The following MCTP2 variants were observed in gnomAD, a reference collection of about 807,000 sequenced individuals.
MCTP2 encodes the protein multiple C2 and transmembrane domain containing 2, also known as multiple C2 and transmembrane domain-containing protein 2.
In MCTP2, 132 loss-of-function variants were observed where a neutral mutation model predicts 111.6. The observed-to-expected ratio is 1.18, with a 90% CI of 1.03 to 1.37. MCTP2 has a LOEUF of 1.37. Among genes scored for constraint, MCTP2 ranks in the 40% most tolerant of loss-of-function variants. The probability of loss-of-function intolerance (pLI) is 0.00; values close to 1 mark genes in which losing one functional copy is unlikely to be tolerated. For synonymous variants in MCTP2, 395 were observed against 387.7 expected (o/e 1.02, Z -0.22); for missense variants, 1,183 against 1,067.9 (o/e 1.11, Z -1.50).
chr15:94,310,012 A>G (rs2076054416), intron 2 of MCTP2, among the ~76,000 whole-genome samples: 1 of 152,222 alleles, frequency 6.6e-6, no homozygotes, highest in Non-Finnish European at 1.5e-5. Flanking sequence ...AGCTTTGACA[A>G]TATTTAAAAT....
chr15:94,345,039 A>G, intron 7 of MCTP2, 90 bp from the exon 8 acceptor site: 1 of 1,424,678 alleles, frequency 7.0e-7, no homozygotes, highest in Non-Finnish European at 9.8e-7. Flanking sequence ...AACCTGGACC[A>G]TCTAACATAA....
At chr15:94,448,337 T>A (rs2084246937) in intron 19 of MCTP2, among the ~76,000 whole-genome samples, 1 of 152,200 alleles carries the variant, frequency 6.6e-6, no homozygotes, top group Admixed American at 6.5e-5. Flanking sequence ...TAGTATATTA[T>A]TCTCAAATAT....
chr15:94,243,153 G>T (rs558871312), intron 1 of MCTP2, among the ~76,000 whole-genome samples: 1 of 146,116 alleles, frequency 6.8e-6, no homozygotes, highest in African/African-American at 2.5e-5. Context: ...ATTTATATAC[G>T]TGTGTGTATA....
chr15:94,245,398 GTGTGTATATATTTATATACA>G (rs2071819221), intron 1 of MCTP2, among the ~76,000 whole-genome samples: 1 of 50,934 alleles, frequency 2.0e-5, no homozygotes, highest in Non-Finnish European at 4.8e-5. Context: ...TTATATACAT[GTGTGTATATATTTATATACA>G]TGTGTGTATA....
At chr15:94,296,103 T>A (rs902785526) in intron 1 of MCTP2, among the ~76,000 whole-genome samples, 21 of 152,198 alleles carry the variant, frequency 1.4e-4, no homozygotes, top group African/African-American at 4.8e-4. Flanking sequence ...TTAGCTGGTT[T>A]GACACTTCCC....
rs565222869 is a variant in MCTP2 at position 94,311,004 on chromosome 15, T to C, written c.466-3278T>C. On this transcript the variant is annotated intron_variant, in intron 2 of 22. Transcript: ENST00000357742. ...AATCCACAGTGCTTGGTTACATTTATTGGGAACTTTCCTTTTTTTTTTTTT... is the reference window on the plus strand; with the variant it reads ...AATCCACAGTGCTTGGTTACATTTACTGGGAACTTTCCTTTTTTTTTTTTT... Among the ~76,000 whole-genome samples the C allele has an allele frequency of 1.0e-3, 151 of 148,790 alleles. 1 individual carries two copies. The highest frequency in any genetic ancestry group is 3.7e-3 in the African/African-American group (148 of 39,910).
At chr15:94,440,519 G>A (rs541367072) in intron 18 of MCTP2, among the ~76,000 whole-genome samples, 2 of 152,284 alleles carry the variant, frequency 1.3e-5, no homozygotes, top group South Asian at 4.2e-4. Context: ...CATGAAGGGA[G>A]CCTCTGGTTC....
chr15:94,240,458 G>A (rs182051932), intron 1 of MCTP2, among the ~76,000 whole-genome samples: 1 of 152,220 alleles, frequency 6.6e-6, no homozygotes, highest in Admixed American at 6.5e-5. Flanking sequence ...AGACTTGAGG[G>A]GTTTCAAGAC....
chr15:94,421,970 T>G (rs2082648664), intron 17 of MCTP2, among the ~76,000 whole-genome samples: 1 of 152,164 alleles, frequency 6.6e-6, no homozygotes, highest in Non-Finnish European at 1.5e-5. Flanking sequence ...TCTGGTTTCT[T>G]GCATACAAAG....
At chr15:94,390,018 T>G (rs554683140) in intron 14 of MCTP2, among the ~76,000 whole-genome samples, 1 of 119,890 alleles carries the variant, frequency 8.3e-6, no homozygotes, top group Non-Finnish European at 1.9e-5. Flanking sequence ...TCCATATAAA[T>G]ATATTCATTA....
intron 2 of MCTP2, among the ~76,000 whole-genome samples, chr15:94,311,492 C>G (rs1440362910): frequency 6.6e-6 from 1 of 152,162 alleles, no homozygotes. Flanking sequence ...AATAATACCA[C>G]AGGCACTATG....
intron 1 of MCTP2, among the ~76,000 whole-genome samples, chr15:94,284,175 A>T (rs963760222): frequency 4.6e-5 from 7 of 152,162 alleles, no homozygotes; most frequent in African/African-American, 1.7e-4. Context: ...CCTTATTGGT[A>T]ATTTGGACAG....
At chr15:94,451,922 T>C (rs914656123) in intron 19 of MCTP2, among the ~76,000 whole-genome samples, 5 of 152,230 alleles carry the variant, frequency 3.3e-5, no homozygotes, top group African/African-American at 1.2e-4. Flanking sequence ...CTGGTGTTTA[T>C]GAAGCACCTG....
chr15:94,455,075 G>A (rs966256906), intron 19 of MCTP2, among the ~76,000 whole-genome samples: 1 of 152,208 alleles, frequency 6.6e-6, no homozygotes, highest in African/African-American at 2.4e-5. Flanking sequence ...GCCCGCCATG[G>A]CCTCCCAGAG....
At chr15:94,416,888 C>G (rs28459950) in intron 17 of MCTP2, among the ~76,000 whole-genome samples, 2,832 of 152,278 alleles carry the variant, frequency 0.019, 76 homozygotes, top group African/African-American at 0.065. Context: ...CCTTCTCCCT[C>G]CCATTTCTAC....
intron 21 of MCTP2, among the ~76,000 whole-genome samples, chr15:94,475,401 G>T (rs1013461361): frequency 9.2e-5 from 14 of 152,316 alleles, no homozygotes; most frequent in African/African-American, 3.1e-4. Flanking sequence ...ATAACTGGAG[G>T]TTGGCATTGT....
intron 8 of MCTP2, among the ~76,000 whole-genome samples, chr15:94,350,470 T>C (rs900333284): frequency 6.6e-6 from 1 of 152,190 alleles, no homozygotes; most frequent in Admixed American, 6.5e-5. Flanking sequence ...CTTGGGAGGC[T>C]GAGGCAGGAG....
chr15:94,468,482 C>CAA (rs797017248), intron 20 of MCTP2, among the ~76,000 whole-genome samples: 1 of 144,182 alleles, frequency 6.9e-6, no homozygotes, highest in African/African-American at 2.6e-5. Context: ...AGCCCCAGGC[C>CAA]AAAAAAAAAG....
chr15:94,388,748 C>T (rs984540651), intron 14 of MCTP2, among the ~76,000 whole-genome samples: 1 of 152,046 alleles, frequency 6.6e-6, no homozygotes, highest in Non-Finnish European at 1.5e-5. Context: ...ATGAGGCAGC[C>T]TTTATTATTA....
Sources: allele counts gnomAD v4.1 joint callset (sites outside exome capture counted in the v4.1 genomes callset), GRCh38; gene constraint gnomAD v4.1.1; transcripts MANE v1.5; gene names NCBI Gene and HGNC (gene_info 2026-07-23, HGNC 2026-07-21).